Variants in RERG observed in about 807,000 individuals in gnomAD.
RERG encodes the protein RAS like estrogen regulated growth inhibitor.
In RERG, 25 loss-of-function variants were observed where a neutral mutation model predicts 23.2. The ratio of observed to expected loss-of-function variants is 1.08; its 90% CI spans 0.79 to 1.50. The LOEUF (loss-of-function observed/expected upper bound fraction) is 1.50, where lower values mean the gene tolerates loss of function less well. Ranked by LOEUF, RERG falls within the 40% of genes most tolerant of loss-of-function variation. The pLI is 0.00. For synonymous variants in RERG, 81 were observed against 89.1 expected, an observed-to-expected ratio of 0.91 and a Z score of 0.51; for missense variants, 253 against 250.1, an observed-to-expected ratio of 1.01 and a Z score of -0.08.
chr12:15,128,871 C>T (rs967776940), intron 2 of RERG, among the ~76,000 whole-genome samples: 1 of 152,140 alleles, frequency 6.6e-6, no homozygotes, highest in African/African-American at 2.4e-5. Flanking sequence ...GCCTCCAAAT[C>T]GAATTTTCCA....
chr12:15,188,837 A>G (rs1394421084), intron 2 of RERG, among the ~76,000 whole-genome samples: 2 of 152,166 alleles, frequency 1.3e-5, no homozygotes, highest in Non-Finnish European at 2.9e-5. Context: ...TGTCCTTTCC[A>G]TGGCTTTCTG....
intron 4 of RERG, chr12:15,110,979 GCT>G (rs1863603802): frequency 6.0e-6 from 1 of 167,860 alleles, no homozygotes; most frequent in Admixed American, 6.3e-5. Flanking sequence ...CCTGTTAGAG[GCT>G]CTGAGAATTC....
chr12:15,191,848 C>G (rs1369699982), intron 2 of RERG, among the ~76,000 whole-genome samples: 4 of 152,162 alleles, frequency 2.6e-5, no homozygotes, highest in Non-Finnish European at 5.9e-5. Flanking sequence ...ATGCACTTCT[C>G]TTATCCTGGC....
chr12:15,131,655 T>TCC (rs1456821636), intron 2 of RERG, among the ~76,000 whole-genome samples: 8 of 147,862 alleles, frequency 5.4e-5, no homozygotes, highest in African/African-American at 2.0e-4. Flanking sequence ...GAAGCAGAGG[T>TCC]TTATGCCATC....
At chr12:15,155,344 C>T (rs1007267622) in intron 2 of RERG, 7 of 152,164 alleles carry the variant, frequency 4.6e-5, no homozygotes, top group Admixed American at 2.0e-4. Context: ...TTAAGGTTTC[C>T]GCAAAGCAAA....
chr12:15,120,652 CATATT>C (rs1863814778), intron 3 of RERG, among the ~76,000 whole-genome samples: 1 of 152,132 alleles, frequency 6.6e-6, no homozygotes, highest in Non-Finnish European at 1.5e-5. Context: ...AAGAGAGAAA[CATATT>C]TTATTTTTCC....
intron 2 of RERG, among the ~76,000 whole-genome samples, chr12:15,210,717 CT>C (rs1021861534): frequency 5.9e-5 from 9 of 152,108 alleles, no homozygotes; most frequent in African/African-American, 2.2e-4. Context: ...AGGCATATAC[CT>C]GCAATTTGAA....
chr12:15,186,204 T>C (rs2136131757), intron 2 of RERG, among the ~76,000 whole-genome samples: 1 of 151,766 alleles, frequency 6.6e-6, no homozygotes, highest in South Asian at 2.1e-4. Flanking sequence ...GATACCCAAA[T>C]AGCTATACAA....
intron 2 of RERG, among the ~76,000 whole-genome samples, chr12:15,150,084 G>A (rs868605285): frequency 7.2e-5 from 11 of 152,230 alleles, no homozygotes; most frequent in African/African-American, 2.4e-4. Context: ...AGGGAGAGTA[G>A]GTACAAGGCC....
chr12:15,201,217 GA>G (rs1865210265), intron 2 of RERG, among the ~76,000 whole-genome samples: 1 of 151,796 alleles, frequency 6.6e-6, no homozygotes, highest in Admixed American at 6.6e-5. Context: ...TAACATGGAA[GA>G]GAGGACAAGG....
chr12:15,154,836 T>C (rs895237652), intron 2 of RERG, among the ~76,000 whole-genome samples: 1 of 134,056 alleles, frequency 7.5e-6, no homozygotes, highest in African/African-American at 2.7e-5. Flanking sequence ...ATTTTAAAAA[T>C]GTATTAAACT....
chr12:15,180,728 A>G (rs1864912626), intron 2 of RERG, among the ~76,000 whole-genome samples: 1 of 152,154 alleles, frequency 6.6e-6, no homozygotes, highest in Non-Finnish European at 1.5e-5. Context: ...CTACCAATAA[A>G]GAGATCTCTG....
At chr12:15,205,022 CATT>C (rs2136143599) in intron 2 of RERG, among the ~76,000 whole-genome samples, 1 of 151,960 alleles carries the variant, frequency 6.6e-6, no homozygotes, top group East Asian at 1.9e-4. Flanking sequence ...AAGATATCAT[CATT>C]GAGGGGAATT....
chr12:15,136,933 T>C (rs966858614), intron 2 of RERG, among the ~76,000 whole-genome samples: 6 of 151,998 alleles, frequency 3.9e-5, no homozygotes, highest in African/African-American at 1.4e-4. Context: ...TATGGTGCTA[T>C]TGAGTTGAAC....
chr12:15,206,376 T>G (rs544333867), intron 2 of RERG, among the ~76,000 whole-genome samples: 25 of 152,196 alleles, frequency 1.6e-4, no homozygotes, highest in African/African-American at 5.8e-4. Context: ...ATAGTGTCAG[T>G]ACACCCAACA....
intron 2 of RERG, among the ~76,000 whole-genome samples, chr12:15,167,650 A>G (rs756796204): frequency 3.3e-5 from 5 of 152,204 alleles, no homozygotes; most frequent in Admixed American, 6.5e-5. Context: ...GGAAGCTGGA[A>G]TGGAGATACT....
At chr12:15,160,496 G>A (rs189236798) in intron 2 of RERG, among the ~76,000 whole-genome samples, 2 of 152,254 alleles carry the variant, frequency 1.3e-5, no homozygotes, top group African/African-American at 4.8e-5. Flanking sequence ...GCAGAATTTG[G>A]AGTGTAGCCT....
intron 2 of RERG, among the ~76,000 whole-genome samples, chr12:15,161,211 A>G (rs976710573): frequency 7.4e-6 from 1 of 134,334 alleles, no homozygotes; most frequent in African/African-American, 2.6e-5. Context: ...AGAAAGAAAG[A>G]AAGAAAGAAA....
rs1455035389 is a variant in RERG, at chr12:15,108,969, C to A, written c.*141G>T. ...CATAAAACACGCTAAAACTTCCCAA[C>A]CTATTAGAGGCCAGAAACAATGGGA... is the stretch of plus-strand genomic sequence containing the variant. On this transcript the variant is annotated 3_prime_UTR_variant, in exon 5 of 5. Coordinates refer to ENST00000256953, the MANE Select transcript of RERG (RefSeq NM_032918.3). 1.1e-5 allele frequency: 9 copies of A among 855,590 alleles called. No homozygotes were observed. The highest frequency in any genetic ancestry group is 1.4e-5 in the Non-Finnish European group (8 of 555,538). The allele number at this position is 855,590 out of a possible 1,614,324, so 53.0% of individuals were successfully genotyped here. A position where few individuals can be genotyped will look rare whatever the true frequency, so the allele number is the denominator to read the frequency against.
Sources: allele counts gnomAD v4.1 joint callset (sites outside exome capture counted in the v4.1 genomes callset), GRCh38; gene constraint gnomAD v4.1.1; transcripts MANE v1.5; gene names NCBI Gene and HGNC (gene_info 2026-07-23, HGNC 2026-07-21).